The following USO1 variants were observed in gnomAD, a reference collection of about 807,000 sequenced individuals.
USO1 encodes the protein USO1 vesicle transport factor.
A neutral mutation model predicts 124.5 loss-of-function variants in USO1; 57 were observed. The ratio of observed to expected loss-of-function variants is 0.46; its 90% confidence interval spans 0.37 to 0.57. The LOEUF is 0.57. Among genes scored for constraint, USO1 ranks in the 20% least tolerant of loss-of-function variants. The pLI, the probability that USO1 is intolerant of heterozygous loss-of-function variation, is 0.00. For synonymous variants in USO1, 369 were observed against 362.8 expected (o/e 1.02, Z -0.19); for missense variants, 900 against 1,040.6 (o/e 0.86, Z 1.86).
intron 7 of USO1, among the ~76,000 whole-genome samples, chr4:75,773,978 C>T (rs1040327750): frequency 3.3e-5 from 5 of 151,944 alleles, no homozygotes; most frequent in African/African-American, 9.7e-5. Flanking sequence ...CTTAGGGACT[C>T]ATAAATTGCA....
At chr4:75,750,136 C>T (rs1170854675) in intron 1 of USO1, among the ~76,000 whole-genome samples, 3 of 152,110 alleles carry the variant, frequency 2.0e-5, no homozygotes, top group African/African-American at 7.2e-5. Context: ...TAGTGTCTTT[C>T]GAACAGCAGA....
Position 75,790,238 on chromosome 4 carries a change from G to A in USO1, c.1085G>A (p.Arg362Lys). 6.3e-7 allele frequency: 1 copy of A among 1,588,584 alleles called. No individual in the cohort carries two copies. The highest frequency in any genetic ancestry group is 8.6e-7 in the Non-Finnish European group (1 of 1,166,728). Reference protein sequence around the residue: ...ASVNAPSNPPRPAIVVLLMSM... With the variant: ...ASVNAPSNPPKPAIVVLLMSM... ...GTAAATGCACCTTCAAACCCACCAAGGTAGAAAAAGGGAAATACTGAGATT... is the reference window on the plus strand; with the variant it reads ...GTAAATGCACCTTCAAACCCACCAAAGTAGAAAAAGGGAAATACTGAGATT... Residue 362 changes from arginine (R) to lysine (K), a missense_variant and splice_region_variant, in exon 11 of 24, where the codon AGA becomes AAA. Physicochemically the swap from Arg to Lys is conservative, Grantham distance 26. This residue lies in a region of USO1 where 538 missense variants were observed against 681.6 expected (regional missense o/e 0.79). Coordinates refer to ENST00000514213, the MANE Select transcript of USO1 (RefSeq NM_003715.4).
chr4:75,728,423 G>T, intron 1 of USO1, among the ~76,000 whole-genome samples: 1 of 152,208 alleles, frequency 6.6e-6, no homozygotes, highest in East Asian at 1.9e-4. Flanking sequence ...AGGAGTTTGA[G>T]ACCAGCCTGG....
At chr4:75,773,875 C>G (rs1042459844) in intron 7 of USO1, among the ~76,000 whole-genome samples, 1 of 151,388 alleles carries the variant, frequency 6.6e-6, no homozygotes, top group African/African-American at 2.4e-5. Flanking sequence ...TTTTTACTAC[C>G]TATTTGCTAT....
chr4:75,811,929 A>C (rs1223629433), intron 22 of USO1, among the ~76,000 whole-genome samples: 1 of 152,084 alleles, frequency 6.6e-6, no homozygotes, highest in Admixed American at 6.5e-5. Flanking sequence ...TAGCTAACTA[A>C]AACTATTTTT....
chr4:75,802,870 G>A (rs1322582361), intron 17 of USO1, among the ~76,000 whole-genome samples: 1 of 148,520 alleles, frequency 6.7e-6, no homozygotes, highest in Non-Finnish European at 1.5e-5. Context: ...ATTACCTGAG[G>A]TCGGGAGTTC....
chr4:75,783,971 A>G (rs1312796346), intron 9 of USO1, among the ~76,000 whole-genome samples: 1 of 152,222 alleles, frequency 6.6e-6, no homozygotes, highest in Non-Finnish European at 1.5e-5. Flanking sequence ...TGTTTTAGAA[A>G]CAGTGTCACC....
intron 12 of USO1, among the ~76,000 whole-genome samples, chr4:75,792,229 A>G (rs2149182733): frequency 6.6e-6 from 1 of 152,066 alleles, no homozygotes; most frequent in African/African-American, 2.4e-5. Context: ...GTGAAACCCC[A>G]TCTCTACTAA....
At chr4:75,745,462 T>A in intron 1 of USO1, 1 of 444,516 alleles carries the variant, frequency 2.2e-6, no homozygotes, top group Non-Finnish European at 4.5e-6. Flanking sequence ...CTGACTCATA[T>A]TTCTCTACAT....
In USO1 at chr4:75,812,370, CATCCA is replaced by C; in HGVS notation, c.2795_2799del (p.His932ArgfsTer2). On this transcript the variant is annotated frameshift_variant and splice_region_variant, in exon 23 of 24. Transcript: ENST00000514213. LOFTEE classifies it high-confidence loss of function. ...GAAGAATAAACTCAAGGATCTTGGTCATCCAGTAAGATTAAAATGTCTCCAAAAAT... is the reference window on the plus strand; with the variant it reads ...GAAGAATAAACTCAAGGATCTTGGTCGTAAGATTAAAATGTCTCCAAAAAT... 1 of 1,580,716 alleles carries C rather than the reference CATCCA, an allele frequency of 6.3e-7. No individual in the cohort carries two copies. Among genetic ancestry groups the C allele is most frequent in the African/African-American group, 1.3e-5 (1 of 74,196 alleles).
intron 17 of USO1, among the ~76,000 whole-genome samples, chr4:75,803,534 C>G (rs967978861): frequency 2.6e-5 from 4 of 151,514 alleles, no homozygotes; most frequent in South Asian, 2.1e-4. Flanking sequence ...CCTGTAATCC[C>G]AGCTACTCAG....
intron 8 of USO1, among the ~76,000 whole-genome samples, chr4:75,777,114 G>A (rs1483087030): frequency 5.9e-5 from 9 of 152,038 alleles, no homozygotes; most frequent in African/African-American, 1.7e-4. Context: ...TTTTAGAATT[G>A]TATTATCCAT....
In USO1 at chr4:75,801,043, A is replaced by G. The variant is rs548292471; in HGVS notation, c.1865-36A>G. 29 of 1,481,850 alleles carry G rather than the reference A, an allele frequency of 2.0e-5. No individual in the cohort carries two copies. In the South Asian group the frequency reaches 3.7e-4, roughly 19 times the overall value. The allele number at this position is 1,481,850 out of a possible 1,614,324, so 91.8% of individuals were successfully genotyped here. A position where few individuals can be genotyped will look rare whatever the true frequency, so the allele number is the denominator to read the frequency against. ...TTAGTAGTAAAATAGTATTTAAAAC[A>G]TTTAAAACAAATTTTAAATAAGCTT... On this transcript the variant is annotated intron_variant, in intron 16 of 23. Coordinates refer to ENST00000514213, the MANE Select transcript of USO1 (RefSeq NM_003715.4).
In USO1 at chr4:75,813,238, C is replaced by T. The variant is rs1400361283; in HGVS notation, c.2832C>T (p.Asp944=). The change falls in exon 24 of 24, where the codon GAC becomes GAT. Residue 944 remains aspartate, a synonymous_variant. Transcript: ENST00000514213. ...AAGAGGATGAACTTGAATCTGGAGA[C>T]CAAGAGGATGAGGATGATGAAAGTG... is the stretch of plus-strand genomic sequence containing the variant. ...VEEEDELESG[D]QEDEDDESED... 6.2e-7 allele frequency: 1 copy of T among 1,610,086 alleles called. No individual in the cohort carries two copies. Among genetic ancestry groups the T allele is most frequent in the Non-Finnish European group, 8.5e-7 (1 of 1,178,736 alleles).
chr4:75,801,186 A>T lies in USO1; in HGVS notation c.1972A>T (p.Met658Leu), dbSNP rs1722840014. The change falls in exon 17 of 24, where the codon ATG becomes TTG. Residue 658 changes from methionine (M) to leucine (L), a missense_variant. By Grantham distance (15) the Met-to-Leu change is conservative (BLOSUM62 2). Around this residue, in one of 2 missense-constraint regions of USO1, gnomAD observed 362 missense variants for 359.0 expected, o/e 1.01. Transcript: ENST00000514213. Reference protein sequence around the residue: ...HDNIVTHYKNMIREQDLQLEE... With the variant: ...HDNIVTHYKNLIREQDLQLEE... ...CAATATTGTGACTCACTACAAAAAT[A>T]TGATTCGAGAGCAGGTAAGTACTAA... 1 of 1,607,496 alleles carries T rather than the reference A, an allele frequency of 6.2e-7. No homozygotes were observed. The highest frequency in any genetic ancestry group is 1.7e-5 in the Admixed American group (1 of 58,900).
intron 9 of USO1, among the ~76,000 whole-genome samples, chr4:75,786,089 T>G (rs1305194060): frequency 6.6e-6 from 1 of 152,174 alleles, no homozygotes; most frequent in African/African-American, 2.4e-5. Context: ...TTTCTCTAAT[T>G]CTAGTGATTT....
At chr4:75,793,538 A>C (rs1560456993) in intron 12 of USO1, among the ~76,000 whole-genome samples, 152 bp from the exon 13 acceptor site, 1 of 152,248 alleles carries the variant, frequency 6.6e-6, no homozygotes, top group East Asian at 1.9e-4. Context: ...TATCATTTTG[A>C]AAGTATATTT....
chr4:75,782,995 T>C (rs1427300914), intron 9 of USO1, 137 bp downstream of exon 9: 9 of 1,202,298 alleles, frequency 7.5e-6, no homozygotes, highest in Non-Finnish European at 7.7e-6. Context: ...AATATGGAAA[T>C]TTGCAGTTAT....
intron 1 of USO1, among the ~76,000 whole-genome samples, chr4:75,733,987 A>G (rs571013127): frequency 8.4e-6 from 1 of 119,534 alleles, no homozygotes; most frequent in East Asian, 2.6e-4. Flanking sequence ...CCTGTCACCC[A>G]GGCTGGAGTG....
Sources: gnomAD v4.1 joint callset for allele counts (sites outside exome capture counted in the v4.1 genomes callset) on GRCh38, gnomAD v4.1.1 for gene constraint, gnomAD v4.1.1 regional missense constraint, MANE v1.5 for transcripts, NCBI Gene and HGNC (gene_info 2026-07-23, HGNC 2026-07-21) for gene names.